The following ZPLD1 variants were observed in gnomAD, a reference collection of about 807,000 sequenced individuals.
ZPLD1 encodes zona pellucida like domain containing 1, also known as zona pellucida-like domain-containing protein 1.
In ZPLD1, 34 loss-of-function variants were observed where a neutral mutation model predicts 47.2. The observed-to-expected ratio is 0.72, with a 90% CI of 0.55 to 0.96. The LOEUF (loss-of-function observed/expected upper bound fraction) is 0.96. ZPLD1 is among the 40% of genes least tolerant of loss of function. The pLI is 0.00. For synonymous variants in ZPLD1, 176 were observed against 186.2 expected, an observed-to-expected ratio of 0.95 and a Z score of 0.45; for missense variants, 512 against 505.8, an observed-to-expected ratio of 1.01 and a Z score of -0.12.
At chr3:102,402,461 G>C (rs1449921306) in intron 7 of ZPLD1, among the ~76,000 whole-genome samples, 1 of 152,034 alleles carries the variant, frequency 6.6e-6, no homozygotes, top group East Asian at 1.9e-4. Flanking sequence ...TAAGTAGGAT[G>C]CTGTGTAATA....
chr3:102,388,194 C>G (rs937224301), intron 6 of ZPLD1, among the ~76,000 whole-genome samples: 4 of 151,994 alleles, frequency 2.6e-5, no homozygotes, highest in African/African-American at 9.7e-5. Context: ...TTTTTTCTGT[C>G]GTGATTTTCA....
chr3:102,470,508 T>C lies in ZPLD1; in HGVS notation c.1042+6T>C. 6.2e-7 allele frequency: 1 copy of C among 1,612,042 alleles called. No homozygotes were observed. Among genetic ancestry groups the C allele is most frequent in the Non-Finnish European group, 8.5e-7 (1 of 1,178,242 alleles). On this transcript the variant is annotated splice_donor_region_variant and intron_variant, in intron 10 of 11. Transcript: ENST00000466937. ...TCCCATCATTACTCGGAGTGGTAAG[T>C]GTGCTCCTCCTTCTGTATGTAGTAA...
chr3:102,436,970 A>G lies in ZPLD1; in HGVS notation c.-12A>G. ...AGTGGTGGAGCATGGAGCATGGAAT[A>G]AATGTGGGTGCAGTGGAGTGTATTG... On this transcript the variant is annotated 5_prime_UTR_variant, in exon 2 of 12. It adds an upstream start codon to the 5' untranslated region. Coordinates refer to ENST00000466937, the MANE Select transcript of ZPLD1 (RefSeq NM_001329788.2). 1 of 983,496 alleles carries G rather than the reference A, an allele frequency of 1.0e-6. No homozygotes were observed. Among genetic ancestry groups the G allele is most frequent in the South Asian group, 4.7e-5 (1 of 21,262 alleles). 60.9% of individuals were successfully genotyped at this position (983,496 alleles called of 1,614,324 possible).
In ZPLD1 at chr3:102,470,493, A is replaced by C. The variant is rs375399362; in HGVS notation, c.1033A>C (p.Thr345Pro). The C allele has an allele frequency of 8.7e-6, 14 of 1,613,898 alleles. No homozygotes were observed. Among genetic ancestry groups the C allele is most frequent in the African/African-American group, 1.3e-5 (1 of 74,980 alleles). The change falls in exon 10 of 12, where the codon ACT (threonine) becomes CCT (proline). Residue 345 changes from threonine to proline, a missense_variant. By Grantham distance (38) the Thr-to-Pro change is conservative. Coordinates refer to ENST00000466937, the MANE Select transcript of ZPLD1 (RefSeq NM_001329788.2). ...GGTGCTCTCTGCTGGTCCCATCATT[A>C]CTCGGAGTGGTAAGTGTGCTCCTCC... ...SAVLSAGPII[T>P]RSDETPTNNS...
chr3:102,436,979 T>C lies in ZPLD1; in HGVS notation c.-9+6T>C. 1 of 974,100 alleles carries C rather than the reference T, an allele frequency of 1.0e-6. No homozygotes were observed. Among genetic ancestry groups the C allele is most frequent in the South Asian group, 4.7e-5 (1 of 21,074 alleles). 60.3% of individuals were successfully genotyped at this position (974,100 alleles called of 1,614,324 possible). On this transcript the variant is annotated splice_donor_region_variant and intron_variant, in intron 2 of 11. Coordinates refer to ENST00000466937, the MANE Select transcript of ZPLD1 (RefSeq NM_001329788.2). ...GCATGGAGCATGGAATAAATGTGGG[T>C]GCAGTGGAGTGTATTGCTTATTCAG...
intron 7 of ZPLD1, among the ~76,000 whole-genome samples, chr3:102,412,421 A>G (rs1706756164): frequency 6.6e-6 from 1 of 151,740 alleles, no homozygotes; most frequent in African/African-American, 2.4e-5. Flanking sequence ...AACCAGACAT[A>G]GAGAAGAGGA....
At chr3:102,431,773 G>A (rs1707018972), upstream of ZPLD1, among the ~76,000 whole-genome samples, 1 of 152,168 alleles carries the variant, frequency 6.6e-6, no homozygotes, top group African/African-American at 2.4e-5. Flanking sequence ...GCTGGACGTG[G>A]TGGCGGTTGC....
At chr3:102,444,677 A>G (rs1707230150) in intron 3 of ZPLD1, among the ~76,000 whole-genome samples, 1 of 152,180 alleles carries the variant, frequency 6.6e-6, no homozygotes, top group Non-Finnish European at 1.5e-5. Flanking sequence ...TTAGTATTGG[A>G]ATATTTATCG....
At chr3:102,419,424 CA>C (rs553715567) in intron 8 of ZPLD1, among the ~76,000 whole-genome samples, 3 of 151,726 alleles carry the variant, frequency 2.0e-5, no homozygotes, top group African/African-American at 7.3e-5. Flanking sequence ...GAAACATCCT[CA>C]AAAAAAGTTA....
intron 8 of ZPLD1, 26 bp from the exon 9 acceptor site, chr3:102,468,938 C>T (rs1417446885): frequency 1.3e-6 from 2 of 1,596,334 alleles, no homozygotes; most frequent in Admixed American, 1.7e-5. Flanking sequence ...CAGTGATGTC[C>T]TGTTTTCACG....
intron 7 of ZPLD1, among the ~76,000 whole-genome samples, chr3:102,409,284 A>G (rs1706724806): frequency 1.3e-5 from 2 of 151,814 alleles, no homozygotes; most frequent in East Asian, 1.9e-4. Context: ...CCATTTGGCT[A>G]AGATAAAGTG....
At chr3:102,426,111 T>G (rs546901043) in intron 8 of ZPLD1, among the ~76,000 whole-genome samples, 1 of 144,222 alleles carries the variant, frequency 6.9e-6, no homozygotes, top group South Asian at 2.2e-4. Context: ...ACATATTTCC[T>G]ACACACACAC....
chr3:102,428,200 A>C (rs1333999985), intron 8 of ZPLD1, among the ~76,000 whole-genome samples: 2 of 152,186 alleles, frequency 1.3e-5, no homozygotes, highest in East Asian at 3.8e-4. Flanking sequence ...GACAATATCA[A>C]ACTGACTTTC....
At chr3:102,464,315 G>A in intron 8 of ZPLD1, 64 bp downstream of exon 8, 1 of 1,136,532 alleles carries the variant, frequency 8.8e-7, no homozygotes, top group East Asian at 2.4e-5. Flanking sequence ...AATTGAAATG[G>A]AATATCTAAG....
chr3:102,434,248 T>G (rs556613356), upstream of ZPLD1, among the ~76,000 whole-genome samples: 43 of 152,336 alleles, frequency 2.8e-4, 1 homozygote, highest in South Asian at 8.9e-3. Flanking sequence ...AAACAAAGAT[T>G]ATTTTATATT....
chr3:102,441,294 T>C (rs1282178271), intron 3 of ZPLD1, among the ~76,000 whole-genome samples: 2 of 152,192 alleles, frequency 1.3e-5, no homozygotes, highest in African/African-American at 4.8e-5. Context: ...TAAAAAATCA[T>C]GTTAAAAAGT....
intron 8 of ZPLD1, among the ~76,000 whole-genome samples, chr3:102,468,161 T>G (rs970984821): frequency 6.6e-6 from 1 of 152,158 alleles, no homozygotes; most frequent in South Asian, 2.1e-4. Flanking sequence ...AAAAATTTGA[T>G]CCATACATTT....
chr3:102,458,687 A>T (rs1206985491), intron 6 of ZPLD1, among the ~76,000 whole-genome samples: 2 of 152,236 alleles, frequency 1.3e-5, no homozygotes, highest in Non-Finnish European at 2.9e-5. Context: ...GCATTTAAAA[A>T]AATCATGTTT....
chr3:102,432,684 A>T (rs1222182682), upstream of ZPLD1, among the ~76,000 whole-genome samples: 1 of 152,164 alleles, frequency 6.6e-6, no homozygotes, highest in Non-Finnish European at 1.5e-5. Flanking sequence ...ACTAAGAGCC[A>T]CCTTTATTCA....
Sources: gnomAD v4.1 joint callset for allele counts (sites outside exome capture counted in the v4.1 genomes callset) on GRCh38, gnomAD v4.1.1 for gene constraint, MANE v1.5 for transcripts, NCBI Gene and HGNC (gene_info 2026-07-23, HGNC 2026-07-21) for gene names.